Variants in HS3ST2 observed in about 807,000 individuals in gnomAD.
HS3ST2 encodes heparan sulfate glucosamine 3-O-sulfotransferase 2.
In HS3ST2, 17 loss-of-function variants were observed where a neutral mutation model predicts 26.3. That is an observed-to-expected ratio of 0.65 (90% CI 0.44 to 0.97). HS3ST2 has a LOEUF of 0.97. Ranked by LOEUF, HS3ST2 falls within the 50% of genes least tolerant of loss-of-function variation. HS3ST2 has a pLI of 0.00. For synonymous variants in HS3ST2, 237 were observed against 219.2 expected (o/e 1.08, Z -0.72); for missense variants, 402 against 501.2 (o/e 0.80, Z 1.89).
At chr16:22,834,895 A>G (rs981035950) in intron 1 of HS3ST2, among the ~76,000 whole-genome samples, 1 of 152,070 alleles carries the variant, frequency 6.6e-6, no homozygotes, top group African/African-American at 2.4e-5. Context: ...AAAAATATTT[A>G]TTAGCCATTT....
At chr16:22,849,412 A>G (rs1901489065) in intron 1 of HS3ST2, among the ~76,000 whole-genome samples, 1 of 152,186 alleles carries the variant, frequency 6.6e-6, no homozygotes, top group Admixed American at 6.5e-5. Flanking sequence ...TATATATGGA[A>G]ATACTATCTT....
chr16:22,909,431 C>A (rs995677646), intron 1 of HS3ST2, among the ~76,000 whole-genome samples: 2 of 152,064 alleles, frequency 1.3e-5, no homozygotes, highest in Non-Finnish European at 2.9e-5. Flanking sequence ...AACAAGTAAG[C>A]AAAATTTAAA....
intron 1 of HS3ST2, among the ~76,000 whole-genome samples, chr16:22,904,907 A>G (rs1198733044): frequency 2.0e-5 from 3 of 152,244 alleles, no homozygotes; most frequent in Non-Finnish European, 4.4e-5. Context: ...GAGGGGGCTC[A>G]TGACTTCGCT....
chr16:22,854,518 T>C (rs937810354), intron 1 of HS3ST2: 3 of 152,168 alleles, frequency 2.0e-5, no homozygotes, highest in Non-Finnish European at 2.9e-5. Context: ...ACATTATCTG[T>C]CTTGATTATC....
At chr16:22,874,314 A>G (rs1297821424) in intron 1 of HS3ST2, among the ~76,000 whole-genome samples, 2 of 152,210 alleles carry the variant, frequency 1.3e-5, no homozygotes, top group Non-Finnish European at 2.9e-5. Flanking sequence ...AACCCTAAAG[A>G]TGATTATTCC....
At chr16:22,866,111 A>T (rs1337713760) in intron 1 of HS3ST2, among the ~76,000 whole-genome samples, 1 of 152,198 alleles carries the variant, frequency 6.6e-6, no homozygotes, top group African/African-American at 2.4e-5. Flanking sequence ...ACATGACTGC[A>T]CTTATTTAGT....
intron 1 of HS3ST2, among the ~76,000 whole-genome samples, chr16:22,852,745 A>G (rs1901535408): frequency 6.6e-6 from 1 of 152,168 alleles, no homozygotes; most frequent in African/African-American, 2.4e-5. Context: ...TCATCATTCC[A>G]GGCTTGACTC....
intron 1 of HS3ST2, among the ~76,000 whole-genome samples, chr16:22,836,673 C>T (rs1901259801): frequency 6.6e-6 from 1 of 152,088 alleles, no homozygotes; most frequent in Non-Finnish European, 1.5e-5. Context: ...GCTTTTGTCA[C>T]ACATGAACAA....
At chr16:22,914,142 T>C (rs545690584) in intron 1 of HS3ST2, among the ~76,000 whole-genome samples, 24 of 151,420 alleles carry the variant, frequency 1.6e-4, no homozygotes, top group African/African-American at 5.8e-4. Flanking sequence ...ACCCTGTCTC[T>C]TAAAAAAAAA....
intron 1 of HS3ST2, among the ~76,000 whole-genome samples, chr16:22,824,687 C>T (rs2141175795): frequency 6.6e-6 from 1 of 152,328 alleles, no homozygotes; most frequent in African/African-American, 2.4e-5. Flanking sequence ...TCTTTGTGTG[C>T]TTTTAACTGT....
Position 22,915,488 on chromosome 16 carries a change from C to A in HS3ST2, c.1030C>A (p.Gln344Lys). 1 of 1,613,772 alleles carries A rather than the reference C, an allele frequency of 6.2e-7. No individual in the cohort carries two copies. Among genetic ancestry groups the A allele is most frequent in the Non-Finnish European group, 8.5e-7 (1 of 1,179,930 alleles). Reference protein sequence around the residue: ...HVQIDPEVIDQLREFYRPYNI... With the variant: ...HVQIDPEVIDKLREFYRPYNI... ...ACAGATTGATCCTGAAGTGATAGAC[C>A]AGCTCCGAGAATTTTATAGACCGTA... Residue 344 changes from glutamine to lysine, a missense_variant, in exon 2 of 2, where the codon CAG (glutamine) becomes AAG (lysine). By Grantham distance (53) the Gln-to-Lys change is moderately conservative. Transcript: ENST00000261374.
chr16:22,837,192 T>G (rs1901270280), intron 1 of HS3ST2, among the ~76,000 whole-genome samples: 1 of 151,882 alleles, frequency 6.6e-6, no homozygotes, highest in African/African-American at 2.4e-5. Context: ...AACTCTCTGC[T>G]GCTTTGCTTA....
intron 1 of HS3ST2, among the ~76,000 whole-genome samples, chr16:22,821,322 C>T (rs528443597): frequency 1.3e-5 from 2 of 151,520 alleles, no homozygotes; most frequent in Admixed American, 1.3e-4. Flanking sequence ...GGTGCTATTA[C>T]CTGCATGCTT....
At chr16:22,908,367 C>G (rs1902381565) in intron 1 of HS3ST2, among the ~76,000 whole-genome samples, 1 of 152,186 alleles carries the variant, frequency 6.6e-6, no homozygotes, top group Non-Finnish European at 1.5e-5. Context: ...GCCCTGCCCT[C>G]ATGTAATTTA....
chr16:22,851,641 T>C (rs1901519760), intron 1 of HS3ST2, among the ~76,000 whole-genome samples: 1 of 152,214 alleles, frequency 6.6e-6, no homozygotes, highest in South Asian at 2.1e-4. Flanking sequence ...CATCTCCTAG[T>C]TGTTTATCAT....
chr16:22,883,279 G>A (rs934436470), intron 1 of HS3ST2, among the ~76,000 whole-genome samples: 1 of 152,202 alleles, frequency 6.6e-6, no homozygotes, highest in African/African-American at 2.4e-5. Flanking sequence ...CATAACATCA[G>A]CCCTGCAACT....
chr16:22,901,288 T>C (rs1902279014), intron 1 of HS3ST2, among the ~76,000 whole-genome samples: 1 of 152,202 alleles, frequency 6.6e-6, no homozygotes, highest in Non-Finnish European at 1.5e-5. Context: ...CAATAAATAT[T>C]CACTGGCTAT....
At chr16:22,833,414 C>T (rs2141179202) in intron 1 of HS3ST2, 2 of 435,266 alleles carry the variant, frequency 4.6e-6, no homozygotes, top group South Asian at 3.3e-5. Context: ...CAGCAATGAC[C>T]CAGGAGCACG....
intron 1 of HS3ST2, among the ~76,000 whole-genome samples, chr16:22,846,660 C>T (rs1333034493): frequency 6.6e-6 from 1 of 152,190 alleles, no homozygotes; most frequent in African/African-American, 2.4e-5. Context: ...GTTCGAGGAA[C>T]TACCATGTAC....
Sources: gnomAD v4.1 joint callset for allele counts (sites outside exome capture counted in the v4.1 genomes callset) on GRCh38, gnomAD v4.1.1 for gene constraint, MANE v1.5 for transcripts, NCBI Gene and HGNC (gene_info 2026-07-23, HGNC 2026-07-21) for gene names.